Variants in RHBDL3 observed in about 807,000 individuals in gnomAD.
RHBDL3 encodes the protein rhomboid like 3.
RHBDL3 carries 28 observed loss-of-function variants against 48.2 expected under a neutral mutation model. The observed-to-expected ratio is 0.58, with a 90% CI of 0.43 to 0.80. The LOEUF is 0.80. RHBDL3 is among the 30% of genes least tolerant of loss of function. RHBDL3 has a pLI of 0.00. For synonymous variants in RHBDL3, 208 were observed against 232.3 expected (o/e 0.90, Z 0.95); for missense variants, 464 against 542.7 (o/e 0.85, Z 1.44).
intron 2 of RHBDL3, among the ~76,000 whole-genome samples, chr17:32,283,273 T>C (rs571673553): frequency 7.2e-4 from 109 of 151,120 alleles, no homozygotes; most frequent in African/African-American, 2.4e-3. Flanking sequence ...ATAGAAATGA[T>C]AAGGTCTTCT....
rs764141332 is a variant in RHBDL3 at position 32,320,944 on chromosome 17, T to C, written c.944-14T>C. 2.5e-6 allele frequency: 4 copies of C among 1,602,388 alleles called. No individual in the cohort carries two copies. The highest frequency in any genetic ancestry group is 3.3e-5 in the Admixed American group (2 of 59,888). On this transcript the variant is annotated splice_polypyrimidine_tract_variant and intron_variant, in intron 8 of 8. Transcript: ENST00000269051. ...GGCCCTCCTGTGACATCTCTCTGCT[T>C]CCTCCCCTTGCAGTGAGCATGGAGT...
intron 2 of RHBDL3, among the ~76,000 whole-genome samples, chr17:32,269,449 A>G (rs2039715855): frequency 6.6e-6 from 1 of 152,276 alleles, no homozygotes; most frequent in African/African-American, 2.4e-5. Flanking sequence ...CCGGTTGCAG[A>G]TGCCGGAGTG....
intron 2 of RHBDL3, among the ~76,000 whole-genome samples, chr17:32,271,217 A>T (rs2039766341): frequency 6.6e-6 from 1 of 152,208 alleles, no homozygotes; most frequent in African/African-American, 2.4e-5. Flanking sequence ...AACATCATAT[A>T]ACCCTGCACT....
intron 2 of RHBDL3, among the ~76,000 whole-genome samples, chr17:32,283,895 G>A (rs1180697195): frequency 3.3e-5 from 5 of 152,218 alleles, no homozygotes; most frequent in African/African-American, 1.2e-4. Flanking sequence ...GGCCATGGCT[G>A]AGGTGAGCCT....
At chr17:32,288,434 TGAAG>T (rs969762146) in intron 3 of RHBDL3, 1 of 250,374 alleles carries the variant, frequency 4.0e-6, no homozygotes, top group Non-Finnish European at 7.8e-6. Context: ...AGTGAGTAGA[TGAAG>T]GAAGGTATAG....
intron 3 of RHBDL3, among the ~76,000 whole-genome samples, chr17:32,286,385 A>G (rs1185119853): frequency 3.3e-5 from 5 of 152,132 alleles, no homozygotes; most frequent in African/African-American, 7.2e-5. Flanking sequence ...GCTGCCCTGG[A>G]GAGCAGACAA....
chr17:32,310,934 T>C (rs544820356), intron 7 of RHBDL3, among the ~76,000 whole-genome samples: 62 of 151,112 alleles, frequency 4.1e-4, no homozygotes, highest in African/African-American at 1.4e-3. Flanking sequence ...AATATTTTTG[T>C]AGGACAAAGA....
rs765563126 is a variant in RHBDL3 at position 32,294,328 on chromosome 17, G to A, written c.554G>A (p.Gly185Asp). Residue 185 changes from glycine to aspartate, a missense_variant, in exon 5 of 9, where the codon GGT (glycine) becomes GAT (aspartate). Transcript: ENST00000269051. ...AFFLYNGVSL[G>D]QFVLQVTHPR... ...TTCCTCTACAATGGGGTGTCACTAG[G>A]TCAATTTGTACTGCAGGTAACTCAT... The A allele has an allele frequency of 1.2e-6, 2 of 1,613,992 alleles. No individual in the cohort carries two copies. The highest frequency in any genetic ancestry group is 4.5e-5 in the East Asian group (2 of 44,856).
intron 4 of RHBDL3, among the ~76,000 whole-genome samples, chr17:32,290,253 GC>G (rs937907223): frequency 6.6e-6 from 1 of 152,194 alleles, no homozygotes; most frequent in Non-Finnish European, 1.5e-5. Context: ...TGTGTGCCGG[GC>G]AGGGGGCTGG....
At chr17:32,298,044 A>G in intron 5 of RHBDL3, 48 bp from the exon 6 acceptor site, 1 of 1,290,814 alleles carries the variant, frequency 7.7e-7, no homozygotes, top group Non-Finnish European at 1.1e-6. Flanking sequence ...GAATGAATGA[A>G]TGAATGAATG....
At chr17:32,279,277 G>A (rs931576034) in intron 2 of RHBDL3, among the ~76,000 whole-genome samples, 3 of 152,120 alleles carry the variant, frequency 2.0e-5, no homozygotes, top group Non-Finnish European at 4.4e-5. Flanking sequence ...AGCCCTTATC[G>A]TGTTGCTGTT....
rs1345107717 is a variant in RHBDL3 at position 32,283,334 on chromosome 17, T to C, written c.136-1325T>C. 2.3e-4 allele frequency among the ~76,000 whole-genome samples: 33 copies of C among 144,968 alleles called. 1 individual carries two copies. The South Asian group carries it at 7.7e-3, about 34-fold the overall frequency. ...CTTTTCTTCTTTTTTTTTTTTTTTT[T>C]TTTTTGAGATGGAGTCTCGCTGTGT... On this transcript the variant is annotated intron_variant, in intron 2 of 8. Coordinates refer to ENST00000269051, the MANE Select transcript of RHBDL3 (RefSeq NM_138328.3).
chr17:32,288,745 C>A, intron 3 of RHBDL3, 47 bp from the exon 4 acceptor site: 2 of 1,458,460 alleles, frequency 1.4e-6, no homozygotes, highest in South Asian at 1.2e-5. Flanking sequence ...TGGGGAGCTC[C>A]GCTGGGCCCC....
intron 2 of RHBDL3, among the ~76,000 whole-genome samples, chr17:32,283,597 A>G (rs975947317): frequency 3.1e-4 from 47 of 152,138 alleles, no homozygotes; most frequent in Non-Finnish European, 5.1e-4. Context: ...TGCTGGGATT[A>G]CAGGCTTGAG....
intron 7 of RHBDL3, among the ~76,000 whole-genome samples, chr17:32,313,751 CTTTTTTTTTTTT>C (rs559422433): frequency 1.0e-5 from 1 of 98,630 alleles, no homozygotes; most frequent in Non-Finnish European, 1.9e-5. Flanking sequence ...AATTCCCTCC[CTTTTTTTTTTTT>C]TTTTTTTTTT....
intron 6 of RHBDL3, among the ~76,000 whole-genome samples, chr17:32,302,691 C>A (rs1043866350): frequency 5.9e-5 from 9 of 152,112 alleles, no homozygotes; most frequent in African/African-American, 1.9e-4. Flanking sequence ...GCCCAAAAGT[C>A]TTTATATCAC....
intron 7 of RHBDL3, among the ~76,000 whole-genome samples, chr17:32,306,014 A>G (rs932869810): frequency 1.3e-5 from 2 of 152,312 alleles, no homozygotes; most frequent in Admixed American, 6.5e-5. Context: ...AGATTATCTC[A>G]TCAAAATTCT....
chr17:32,286,799 A>G (rs184291693), intron 3 of RHBDL3, among the ~76,000 whole-genome samples: 173 of 152,278 alleles, frequency 1.1e-3, no homozygotes, highest in Non-Finnish European at 2.0e-3. Flanking sequence ...CAGGTTGTAT[A>G]CTGTACAATG....
rs533493511 is a variant in RHBDL3, at chr17:32,283,985, C to CA, written c.136-673dup. 4.1e-3 allele frequency among the ~76,000 whole-genome samples: 619 copies of CA among 152,332 alleles called. 5 individuals are homozygous for CA. The highest frequency in any genetic ancestry group is 7.1e-3 in the Admixed American group (109 of 15,304). ...GGAGACGGAGGAAGAAAGGGAATCC[C>CA]AGGCAGAGGGACCCACGTGGTGCAA... On this transcript the variant is annotated intron_variant, in intron 2 of 8. Transcript: ENST00000269051.
Sources: allele counts gnomAD v4.1 joint callset (sites outside exome capture counted in the v4.1 genomes callset), GRCh38; gene constraint gnomAD v4.1.1; transcripts MANE v1.5; gene names NCBI Gene and HGNC (gene_info 2026-07-23, HGNC 2026-07-21).